The following BICC1 variants were observed in gnomAD, a reference collection of about 807,000 sequenced individuals.
BICC1 encodes protein bicaudal C homolog 1.
In BICC1, 43 loss-of-function variants were observed where a neutral mutation model predicts 111.0. The ratio of observed to expected loss-of-function variants is 0.39; its 90% confidence interval spans 0.30 to 0.50. The LOEUF is 0.50. Among genes scored for constraint, BICC1 ranks in the 20% least tolerant of loss-of-function variants. The pLI is 0.88. For synonymous variants in BICC1, 467 were observed against 434.4 expected (o/e 1.07, Z -0.93); for missense variants, 1,091 against 1,203.2 (o/e 0.91, Z 1.38).
At chr10:58,682,553 T>C (rs912794045) in intron 2 of BICC1, among the ~76,000 whole-genome samples, 10 of 152,140 alleles carry the variant, frequency 6.6e-5, no homozygotes, top group African/African-American at 2.2e-4. Flanking sequence ...TTTTAATGAT[T>C]GCCATTCTAA....
At chr10:58,745,887 G>T (rs1357226069) in intron 3 of BICC1, among the ~76,000 whole-genome samples, 1 of 151,442 alleles carries the variant, frequency 6.6e-6, no homozygotes, top group Non-Finnish European at 1.5e-5. Context: ...TCATTGTTCT[G>T]TCTGATTTGT....
chr10:58,595,527 A>C (rs1300993157), intron 1 of BICC1, among the ~76,000 whole-genome samples: 1 of 152,224 alleles, frequency 6.6e-6, no homozygotes, highest in African/African-American at 2.4e-5. Flanking sequence ...CTCAGACCAC[A>C]GTGCAATCAA....
At chr10:58,599,384 A>G (rs560314735) in intron 1 of BICC1, among the ~76,000 whole-genome samples, 4 of 152,208 alleles carry the variant, frequency 2.6e-5, no homozygotes, top group African/African-American at 9.6e-5. Context: ...ATCATTCTCA[A>G]CAAACTATCA....
In BICC1 at chr10:58,817,713, G is replaced by A; in HGVS notation, c.2685G>A (p.Gln895=). The A allele has an allele frequency of 1.2e-6, 2 of 1,607,514 alleles. No homozygotes were observed. Among genetic ancestry groups the A allele is most frequent in the Non-Finnish European group, 1.7e-6 (2 of 1,176,676 alleles). ...TGGGCAAATACACAGATGTTTTCCA[G>A]CAACAAGAGGTCAGTCATTATTTAT... ...LGLGKYTDVF[Q]QQEIDLQTFL... is the part of the protein sequence containing the mutation. The change falls in exon 19 of 21, where the codon CAG becomes CAA. Residue 895 remains glutamine, a synonymous_variant. Coordinates refer to ENST00000373886, the MANE Select transcript of BICC1 (RefSeq NM_001080512.3).
chr10:58,798,982 TTTTATTGTTAATAAAAATA>T, intron 11 of BICC1, 55 bp from the exon 12 acceptor site: 2 of 1,175,418 alleles, frequency 1.7e-6, no homozygotes, highest in Non-Finnish European at 2.4e-6. Context: ...AAAATGATAT[TTTTATTGTTAATAAAAATA>T]ATAGTTGAAT....
rs112567163 is a variant in BICC1, at chr10:58,771,625, C to G, written c.308-13376C>G. Among the ~76,000 whole-genome samples, 419 of 152,170 alleles carry G rather than the reference C, an allele frequency of 2.8e-3. 1 individual carries two copies. The highest frequency in any genetic ancestry group is 9.7e-3 in the African/African-American group (401 of 41,526). On this transcript the variant is annotated intron_variant, in intron 3 of 20. Transcript: ENST00000373886. ...GACTGATGGAGCCAAAATAATAGTA[C>G]AGTATCCAGTGGTTTCAGGAACAGA...
chr10:58,660,730 G>GGC (rs1838816324), intron 2 of BICC1, among the ~76,000 whole-genome samples: 1 of 152,076 alleles, frequency 6.6e-6, no homozygotes, highest in East Asian at 1.9e-4. Context: ...TCATAGGACT[G>GGC]ATGCCTCTGC....
chr10:58,768,078 C>T (rs1259625038), intron 3 of BICC1, among the ~76,000 whole-genome samples: 4 of 152,010 alleles, frequency 2.6e-5, no homozygotes, highest in Non-Finnish European at 5.9e-5. Flanking sequence ...AAGATATGGA[C>T]ATCCAGGTTA....
intron 13 of BICC1, 100 bp downstream of exon 13, chr10:58,800,426 C>T (rs1843506898): frequency 1.7e-6 from 2 of 1,150,352 alleles, no homozygotes; most frequent in Admixed American, 5.3e-5. Flanking sequence ...TTTTGCTAAA[C>T]AGCTATCATT....
chr10:58,513,416 G>C (rs1043600018), intron 1 of BICC1, 83 bp downstream of exon 1: 9 of 1,321,706 alleles, frequency 6.8e-6, no homozygotes, highest in Non-Finnish European at 8.0e-6. Context: ...TCCGGCGCCC[G>C]CTACTCCAGC....
At chr10:58,818,347 T>C (rs897923859) in intron 19 of BICC1, among the ~76,000 whole-genome samples, 1 of 152,162 alleles carries the variant, frequency 6.6e-6, no homozygotes, top group Non-Finnish European at 1.5e-5. Flanking sequence ...GCCCCAGGCA[T>C]GATTCTTCCT....
chr10:58,753,727 T>C (rs1241659111), intron 3 of BICC1, among the ~76,000 whole-genome samples: 1 of 152,066 alleles, frequency 6.6e-6, no homozygotes, highest in African/African-American at 2.4e-5. Flanking sequence ...TCTCTTTCTT[T>C]TTCTTCATCC....
chr10:58,698,418 CT>C (rs1182687418), intron 2 of BICC1, among the ~76,000 whole-genome samples: 1 of 152,100 alleles, frequency 6.6e-6, no homozygotes, highest in Non-Finnish European at 1.5e-5. Flanking sequence ...CATTCTTCAC[CT>C]TTTCTCCAGT....
chr10:58,741,549 T>C (rs1371923202), intron 3 of BICC1, among the ~76,000 whole-genome samples: 1 of 152,164 alleles, frequency 6.6e-6, no homozygotes, highest in East Asian at 1.9e-4. Context: ...GAGAGCAATA[T>C]AGAATGACAG....
intron 3 of BICC1, among the ~76,000 whole-genome samples, chr10:58,733,484 A>G (rs1841380205): frequency 1.3e-5 from 2 of 152,218 alleles, no homozygotes; most frequent in South Asian, 2.1e-4. Context: ...TCACAGGTAC[A>G]ATGTCCCCAA....
intron 19 of BICC1, 65 bp from the exon 20 acceptor site, chr10:58,820,304 T>TTGAG: frequency 9.2e-7 from 1 of 1,081,908 alleles, no homozygotes. Flanking sequence ...AACAAGTTGA[T>TTGAG]CCTACAGTGG....
chr10:58,766,620 A>G (rs1404708454), intron 3 of BICC1, among the ~76,000 whole-genome samples: 1 of 152,116 alleles, frequency 6.6e-6, no homozygotes, highest in Admixed American at 6.5e-5. Flanking sequence ...TCACTCATGG[A>G]CAAGAGTACC....
At chr10:58,532,809 G>A (rs1409150482) in intron 1 of BICC1, among the ~76,000 whole-genome samples, 1 of 151,832 alleles carries the variant, frequency 6.6e-6, no homozygotes, top group East Asian at 1.9e-4. Flanking sequence ...GCACACAAGA[G>A]CTTTCAGTGA....
chr10:58,675,388 A>G (rs956038264), intron 2 of BICC1, among the ~76,000 whole-genome samples: 2 of 152,174 alleles, frequency 1.3e-5, no homozygotes, highest in African/African-American at 2.4e-5. Flanking sequence ...TGGAAGATGA[A>G]TGGATAAAGA....
Sources: allele counts gnomAD v4.1 joint callset (sites outside exome capture counted in the v4.1 genomes callset), GRCh38; gene constraint gnomAD v4.1.1; transcripts MANE v1.5; gene names NCBI Gene and HGNC (gene_info 2026-07-23, HGNC 2026-07-21).